SMIM31: variants seen among roughly 807,000 people sequenced by gnomAD.
The protein encoded by SMIM31 is small integral membrane protein 31.
At position 164,802,853 on chromosome 4, in the gene SMIM31, G is replaced by C. The variant is rs1733304837; in HGVS notation, c.*1659G>C. On this transcript the variant is annotated 3_prime_UTR_variant, in exon 3 of 3. Coordinates refer to ENST00000507311, the MANE Select transcript of SMIM31 (RefSeq NM_001352885.1). ...GGTCAGAGTACTAAACATTTAAAAG[G>C]GCTCACTAAGTTAGAGAGGACAGAG... The C allele has an allele frequency of 6.6e-6, 1 of 152,144 alleles. No individual in the cohort carries two copies. Among genetic ancestry groups the C allele is most frequent in the South Asian group, 2.1e-4 (1 of 4,816 alleles). The allele number at this position is 152,144 out of a possible 1,614,324, so 9.4% of individuals were successfully genotyped here. A position where few individuals can be genotyped will look rare whatever the true frequency, so the allele number is the denominator to read the frequency against.
At chr4:164,780,955 A>C (rs1732941549) in intron 2 of SMIM31, among the ~76,000 whole-genome samples, 1 of 152,174 alleles carries the variant, frequency 6.6e-6, no homozygotes, top group Admixed American at 6.5e-5. Flanking sequence ...GACTAGAGGC[A>C]CATGCAACCA....
intron 1 of SMIM31, among the ~76,000 whole-genome samples, chr4:164,759,985 T>TCTC (rs1732623741): frequency 2.0e-5 from 3 of 150,988 alleles, no homozygotes; most frequent in Non-Finnish European, 4.4e-5. Context: ...TTGAAGGAGG[T>TCTC]AAGAGGGTAA....
intron 1 of SMIM31, among the ~76,000 whole-genome samples, chr4:164,764,624 G>A (rs1283443161): frequency 2.0e-5 from 3 of 151,726 alleles, no homozygotes; most frequent in East Asian, 1.9e-4. Context: ...TTGCCTTACT[G>A]GAATCCAGTC....
At chr4:164,794,678 G>C (rs964914721) in intron 2 of SMIM31, among the ~76,000 whole-genome samples, 1 of 151,946 alleles carries the variant, frequency 6.6e-6, no homozygotes, top group Middle Eastern at 3.4e-3. Context: ...GGTGGCGTGC[G>C]CCTGTAGTCC....
Position 164,768,830 on chromosome 4 carries a change from G to A in SMIM31, c.-25-1589G>A, listed in dbSNP as rs150257495. ...CTGAGCTGCTTTAGCAGAGTTAATA[G>A]TCTTCATATTCTCTGAAGAAGCAGA... is the stretch of plus-strand genomic sequence containing the variant. On this transcript the variant is annotated intron_variant, in intron 1 of 2. Transcript: ENST00000507311. Among the ~76,000 whole-genome samples the A allele has an allele frequency of 1.3e-3, 199 of 152,272 alleles. 2 individuals carry two copies. The highest frequency in any genetic ancestry group is 4.6e-3 in the African/African-American group (191 of 41,564).
chr4:164,797,530 C>G (rs1477491104), intron 2 of SMIM31, among the ~76,000 whole-genome samples: 1 of 142,490 alleles, frequency 7.0e-6, no homozygotes. Context: ...GTGGCGTGAT[C>G]TTGGCTCACT....
In SMIM31 at chr4:164,770,486, T is replaced by C. The variant is rs1732785965; in HGVS notation, c.43T>C (p.Leu15=). The C allele has an allele frequency of 5.0e-6, 2 of 398,924 alleles. No individual in the cohort carries two copies. Among genetic ancestry groups the C allele is most frequent in the Admixed American group, 4.4e-5 (1 of 22,726 alleles). 24.7% of individuals were successfully genotyped at this position (398,924 alleles called of 1,614,324 possible). Residue 15 remains leucine (L), a synonymous_variant, in exon 2 of 3, where the codon TTG becomes CTG. Transcript: ENST00000507311. ...YTNLEMAFIL[L]AFVIFSLFTL... ...CAACTTGGAAATGGCATTCATTTTA[T>C]TGGCTTTTGTTATCTTTTCCTTATT...
chr4:164,769,041 T>C (rs998747113), intron 1 of SMIM31, among the ~76,000 whole-genome samples: 4 of 152,196 alleles, frequency 2.6e-5, no homozygotes, highest in African/African-American at 9.7e-5. Flanking sequence ...AACTTCATTT[T>C]AATGTTGGGG....
intron 1 of SMIM31, among the ~76,000 whole-genome samples, chr4:164,768,508 G>C (rs906859974): frequency 6.6e-6 from 1 of 151,206 alleles, no homozygotes; most frequent in African/African-American, 2.4e-5. Context: ...CCACACATGA[G>C]CTATGTGTCC....
At chr4:164,800,598 A>C (rs1415322989) in intron 2 of SMIM31, among the ~76,000 whole-genome samples, 1 of 152,202 alleles carries the variant, frequency 6.6e-6, no homozygotes, top group Non-Finnish European at 1.5e-5. Flanking sequence ...ACCCCAGAAC[A>C]GACTGAGATG....
In SMIM31 at chr4:164,775,013, A is replaced by G. The variant is rs1330698893; in HGVS notation, c.112+4458A>G. On this transcript the variant is annotated intron_variant, in intron 2 of 2. Coordinates refer to ENST00000507311, the MANE Select transcript of SMIM31 (RefSeq NM_001352885.1). ...CTTACTTGTAGGAAATGGGCCAGAC[A>G]TTTGGGTCTTTTCTTTCTTTAAATC... 2.0e-5 allele frequency among the ~76,000 whole-genome samples: 3 copies of G among 152,340 alleles called. 1 individual carries two copies. The highest frequency in any genetic ancestry group is 4.4e-5 in the Non-Finnish European group (3 of 68,030).
chr4:164,759,452 C>T (rs887128549), intron 1 of SMIM31, among the ~76,000 whole-genome samples: 2 of 152,030 alleles, frequency 1.3e-5, no homozygotes, highest in Non-Finnish European at 2.9e-5. Flanking sequence ...TCACAACAAC[C>T]CTGAGAATAG....
At chr4:164,788,529 G>T (rs1199514197) in intron 2 of SMIM31, among the ~76,000 whole-genome samples, 1 of 88,960 alleles carries the variant, frequency 1.1e-5, no homozygotes, top group African/African-American at 4.3e-5. Context: ...CGCTCTGGTT[G>T]CCCAGACTGG....
At chr4:164,788,478 C>CTTTTTCTTTTTT (rs1733056135) in intron 2 of SMIM31, among the ~76,000 whole-genome samples, 1 of 58,162 alleles carries the variant, frequency 1.7e-5, no homozygotes, top group African/African-American at 7.2e-5. Flanking sequence ...TCTAATTTTT[C>CTTTTTCTTTTTT]TTTTTTTTTT....
At chr4:164,755,179 T>A (rs1045834770) in intron 1 of SMIM31, among the ~76,000 whole-genome samples, 4 of 151,522 alleles carry the variant, frequency 2.6e-5, no homozygotes, top group African/African-American at 9.7e-5. Context: ...AGAAATATTT[T>A]TCTATCATCC....
intron 2 of SMIM31, among the ~76,000 whole-genome samples, chr4:164,778,136 C>G (rs984593955): frequency 6.6e-6 from 1 of 152,158 alleles, no homozygotes; most frequent in Non-Finnish European, 1.5e-5. Context: ...GCCTGTGATC[C>G]CAGCACTTTG....
At position 164,801,603 on chromosome 4, in the gene SMIM31, T is replaced by C; in HGVS notation, c.*409T>C. 1 of 153,502 alleles carries C rather than the reference T, an allele frequency of 6.5e-6. No individual in the cohort carries two copies. Among genetic ancestry groups the C allele is most frequent in the South Asian group, 2.1e-4 (1 of 4,850 alleles). 9.5% of individuals were successfully genotyped at this position (153,502 alleles called of 1,614,324 possible). The stretch of plus-strand genomic sequence containing the variant: ...TTTTTGTCTTAATTCTCCTAACAAA[T>C]GATAATGAAAAGCTATAAGTAACTG... On this transcript the variant is annotated 3_prime_UTR_variant, in exon 3 of 3. Coordinates refer to ENST00000507311, the MANE Select transcript of SMIM31 (RefSeq NM_001352885.1).
chr4:164,782,040 C>T (rs1163367475), intron 2 of SMIM31, among the ~76,000 whole-genome samples: 1 of 152,100 alleles, frequency 6.6e-6, no homozygotes, highest in Non-Finnish European at 1.5e-5. Context: ...CCTGTAATCC[C>T]AGCACTTTGG....
intron 2 of SMIM31, among the ~76,000 whole-genome samples, chr4:164,771,689 G>C (rs1227324454): frequency 2.0e-5 from 3 of 152,026 alleles, no homozygotes; most frequent in Non-Finnish European, 4.4e-5. Context: ...CGCACCTGTA[G>C]CTCCAGCCAC....
Sources: gnomAD v4.1 joint callset for allele counts (sites outside exome capture counted in the v4.1 genomes callset) on GRCh38, gnomAD v4.1.1 for gene constraint, MANE v1.5 for transcripts, NCBI Gene and HGNC (gene_info 2026-07-23, HGNC 2026-07-21) for gene names.